The following PDE8A variants were observed in gnomAD, a reference collection of about 807,000 sequenced individuals.
PDE8A encodes the protein high affinity cAMP-specific and IBMX-insensitive 3',5'-cyclic phosphodiesterase 8A.
In PDE8A, 59 loss-of-function variants were observed where a neutral mutation model predicts 105.0. The observed-to-expected ratio is 0.56, with a 90% CI of 0.46 to 0.70. The LOEUF (loss-of-function observed/expected upper bound fraction) is 0.70, where lower values mean the gene tolerates loss of function less well. Among genes scored for constraint, PDE8A ranks in the 30% least tolerant of loss-of-function variants. The probability of loss-of-function intolerance (pLI) is 0.00; values close to 1 mark genes in which losing one functional copy is unlikely to be tolerated. For synonymous variants in PDE8A, 355 were observed against 371.9 expected, an observed-to-expected ratio of 0.95 and a Z score of 0.52; for missense variants, 1,014 against 1,045.9, an observed-to-expected ratio of 0.97 and a Z score of 0.42.
intron 1 of PDE8A, among the ~76,000 whole-genome samples, chr15:85,016,272 C>T (rs1012630229): frequency 6.6e-6 from 1 of 152,202 alleles, no homozygotes; most frequent in African/African-American, 2.4e-5. Flanking sequence ...TTTCCATACT[C>T]CATGTTATAA....
intron 1 of PDE8A, among the ~76,000 whole-genome samples, chr15:85,003,173 G>A (rs2080092826): frequency 6.6e-6 from 1 of 152,134 alleles, no homozygotes; most frequent in Admixed American, 6.5e-5. Flanking sequence ...CCAGACCAAG[G>A]GAAGGACATG....
intron 1 of PDE8A, among the ~76,000 whole-genome samples, chr15:84,984,625 T>G (rs1365850903): frequency 6.6e-6 from 1 of 152,238 alleles, no homozygotes; most frequent in Non-Finnish European, 1.5e-5. Context: ...GGGAGATTGA[T>G]AACTAATTGC....
chr15:84,993,990 C>T (rs770389531), intron 1 of PDE8A, among the ~76,000 whole-genome samples: 9 of 152,204 alleles, frequency 5.9e-5, no homozygotes, highest in African/African-American at 9.6e-5. Flanking sequence ...TAAGTTTTCT[C>T]ATTTTCTCTT....
chr15:85,082,484 A>T (rs571640721), intron 5 of PDE8A, among the ~76,000 whole-genome samples: 15 of 152,266 alleles, frequency 9.9e-5, no homozygotes, highest in Middle Eastern at 3.4e-3. Context: ...TGCCTCATAT[A>T]CAATCATACA....
At chr15:85,062,562 T>G (rs903217071) in intron 1 of PDE8A, 4 of 152,236 alleles carry the variant, frequency 2.6e-5, no homozygotes, top group Non-Finnish European at 5.9e-5. Flanking sequence ...AATGCACCCC[T>G]TCTTTGTCTG....
Position 85,136,596 on chromosome 15 carries a change from C to G in PDE8A, c.2316C>G (p.Cys772Trp). Residue 772 changes from cysteine to tryptophan, a missense_variant, in exon 21 of 22, where the codon TGC (cysteine) becomes TGG (tryptophan). Physicochemically the swap from Cys to Trp is radical, Grantham distance 215. Transcript: ENST00000394553. ...VVMPVFDRNT[C>W]SIPKSQISFI... Reference sequence around the variant, plus strand: ...TGCCAGTGTTTGACAGAAATACCTGCAGCATCCCCAAATCCCAAATCTCTT... The same window carrying G: ...TGCCAGTGTTTGACAGAAATACCTGGAGCATCCCCAAATCCCAAATCTCTT... 1 of 1,613,276 alleles carries G rather than the reference C, an allele frequency of 6.2e-7. No homozygotes were observed. Among genetic ancestry groups the G allele is most frequent in the South Asian group, 1.1e-5 (1 of 91,054 alleles).
chr15:85,085,471 G>A (rs762622657), intron 6 of PDE8A, among the ~76,000 whole-genome samples: 3 of 152,006 alleles, frequency 2.0e-5, no homozygotes, highest in Non-Finnish European at 4.4e-5. Context: ...AGACTGAGGC[G>A]GGCGGATCAC....
At chr15:85,072,177 C>A (rs1409834429) in intron 3 of PDE8A, among the ~76,000 whole-genome samples, 1 of 152,220 alleles carries the variant, frequency 6.6e-6, no homozygotes, top group Non-Finnish European at 1.5e-5. Context: ...CATTCTTTTT[C>A]ATCTGAAACT....
chr15:85,056,134 G>T (rs12917019), intron 1 of PDE8A, among the ~76,000 whole-genome samples: 21,012 of 151,870 alleles, frequency 0.14, 1,851 homozygotes, highest in Middle Eastern at 0.24. Flanking sequence ...TTGAATATTG[G>T]CCCCCACCCT....
At position 85,091,128 on chromosome 15, in the gene PDE8A, GA is replaced by G; in HGVS notation, c.806del (p.Lys269ArgfsTer8). On this transcript the variant is annotated frameshift_variant, in exon 8 of 22. Coordinates refer to ENST00000394553, the MANE Select transcript of PDE8A (RefSeq NM_002605.3). LOFTEE classifies it high-confidence loss of function. Reference sequence around the variant, plus strand: ...GGAGTTAGGAGAAGTGCCTATAAATGAAAAAAAGGCTGACTTGCTCGATACT... The same window carrying G: ...GGAGTTAGGAGAAGTGCCTATAAATGAAAAAAGGCTGACTTGCTCGATACT... ...GKELGEVPIN[E>X]KKADLLDTIN... The G allele has an allele frequency of 1.2e-6, 2 of 1,612,104 alleles. No homozygotes were observed. The highest frequency in any genetic ancestry group is 1.7e-5 in the Admixed American group (1 of 59,648).
intron 17 of PDE8A, 133 bp downstream of exon 17, chr15:85,117,972 A>C: frequency 2.7e-6 from 2 of 751,492 alleles, no homozygotes; most frequent in Non-Finnish European, 4.7e-6. Context: ...AGGTCATACG[A>C]GGAATCAGGC....
At chr15:85,008,374 C>T (rs563529177) in intron 1 of PDE8A, among the ~76,000 whole-genome samples, 1 of 151,988 alleles carries the variant, frequency 6.6e-6, no homozygotes, top group East Asian at 1.9e-4. Flanking sequence ...TCTGTCAGAC[C>T]CCATTACTGC....
intron 1 of PDE8A, among the ~76,000 whole-genome samples, chr15:84,985,350 G>A (rs1224574900): frequency 1.3e-5 from 2 of 152,078 alleles, no homozygotes; most frequent in Non-Finnish European, 2.9e-5. Flanking sequence ...TATTCCTTTC[G>A]GGAGTTTAAG....
At chr15:85,109,582 A>G (rs35668291) in intron 12 of PDE8A, among the ~76,000 whole-genome samples, 31,572 of 152,244 alleles carry the variant, frequency 0.21, 4,318 homozygotes, top group Middle Eastern at 0.33. Context: ...TAAAAAGAAT[A>G]TGTAAGTGCA....
chr15:85,122,015 A>C (rs184362022), intron 18 of PDE8A, among the ~76,000 whole-genome samples: 4 of 152,208 alleles, frequency 2.6e-5, no homozygotes, highest in South Asian at 2.1e-4. Context: ...GCAGTCATCT[A>C]TCTCTCTCCC....
At chr15:84,996,663 T>A (rs2079981297) in intron 1 of PDE8A, among the ~76,000 whole-genome samples, 1 of 151,334 alleles carries the variant, frequency 6.6e-6, no homozygotes, top group Non-Finnish European at 1.5e-5. Context: ...CATTTCTACT[T>A]AAAAATACAA....
At chr15:85,130,192 G>T (rs2082311573) in intron 20 of PDE8A, among the ~76,000 whole-genome samples, 1 of 152,124 alleles carries the variant, frequency 6.6e-6, no homozygotes, top group Non-Finnish European at 1.5e-5. Context: ...CTCAGAGCAA[G>T]ATCTCTCATT....
chr15:85,001,680 T>C (rs1401340213), intron 1 of PDE8A, among the ~76,000 whole-genome samples: 1 of 152,138 alleles, frequency 6.6e-6, no homozygotes, highest in Non-Finnish European at 1.5e-5. Context: ...AAATCAAAGA[T>C]CTTCTGGATT....
chr15:85,128,121 T>TAC (rs1218486016), intron 20 of PDE8A, among the ~76,000 whole-genome samples: 1 of 142,604 alleles, frequency 7.0e-6, no homozygotes, highest in African/African-American at 2.6e-5. Flanking sequence ...TAGACCTACA[T>TAC]ACAACAGCTA....
Sources: allele counts gnomAD v4.1 joint callset (sites outside exome capture counted in the v4.1 genomes callset), GRCh38; gene constraint gnomAD v4.1.1; transcripts MANE v1.5; gene names NCBI Gene and HGNC (gene_info 2026-07-23, HGNC 2026-07-21).